The following DAZAP1 variants were observed in gnomAD, a reference collection of about 807,000 sequenced individuals.
DAZAP1 encodes DAZ associated protein 1, also known as DAZ-associated protein 1.
In DAZAP1, 6 loss-of-function variants were observed where a neutral mutation model predicts 60.1. The ratio of observed to expected loss-of-function variants is 0.10; its 90% CI spans 0.05 to 0.20. The LOEUF is 0.20. Ranked by LOEUF, DAZAP1 falls within the 10% of genes least tolerant of loss-of-function variation. The pLI is 1.00. For missense variants in DAZAP1, 366 were observed against 560.4 expected (o/e 0.65, Z 3.50); for synonymous variants, 235 against 215.9 (o/e 1.09, Z -0.78).
In DAZAP1 at chr19:1,425,121, C is replaced by T. The variant is rs1330319708; in HGVS notation, c.464-757C>T. On this transcript the variant is annotated intron_variant, in intron 6 of 11. Coordinates refer to ENST00000233078, the MANE Select transcript of DAZAP1 (RefSeq NM_018959.4). The surrounding 1 kb of genome is among the most constrained non-coding windows in gnomAD (Gnocchi z 5.4). ...GGCAGCAGAGTCTGACCTGCTGGAA[C>T]CCGTTGTGGCCTGTATCTTTGTGCA... Among the ~76,000 whole-genome samples, 1 of 152,216 alleles carries T rather than the reference C, an allele frequency of 6.6e-6. No individual in the cohort carries two copies. The highest frequency in any genetic ancestry group is 2.4e-5 in the African/African-American group (1 of 41,446).
intron 1 of DAZAP1, among the ~76,000 whole-genome samples, chr19:1,408,244 G>A (rs972251932): frequency 1.3e-5 from 2 of 152,146 alleles, no homozygotes; most frequent in Non-Finnish European, 2.9e-5. Context: ...GCCCCGAACG[G>A]GAACTTGGGG....
chr19:1,434,479 G>T lies in DAZAP1; in HGVS notation c.1049-258G>T, dbSNP rs2083543843. 4 of 449,112 alleles carry T rather than the reference G, an allele frequency of 8.9e-6. No homozygotes were observed. The highest frequency in any genetic ancestry group is 2.1e-5 in the African/African-American group (1 of 48,024). 27.8% of individuals were successfully genotyped at this position (449,112 alleles called of 1,614,324 possible). ...GTCTTCGGGATTGAACAGGGAAGCG[G>T]TGAGGTTACGTGGGCCATGGAGGGC... On this transcript the variant is annotated intron_variant, in intron 11 of 11. Transcript: ENST00000233078. This position sits in a 1 kb window ranked among gnomAD's most constrained non-coding sequence, Gnocchi z 8.0.
At chr19:1,413,347 C>T (rs959699315) in intron 1 of DAZAP1, among the ~76,000 whole-genome samples, 1 of 152,236 alleles carries the variant, frequency 6.6e-6, no homozygotes, top group Non-Finnish European at 1.5e-5. Flanking sequence ...CTGCCCAGGG[C>T]TCCGCATGTT....
Position 1,430,270 on chromosome 19 carries a change from C to CCCCCCA in DAZAP1, c.779_780insCCCCCA (p.Pro261_Phe262insGlnPro). ...GGAAGAGGAGCCCCCCCGCCACCCCCACCGTTCACCTCCTACATCGTGTCC... is the reference window on the plus strand; with the variant it reads ...GGAAGAGGAGCCCCCCCGCCACCCCCCCCCCAACCGTTCACCTCCTACATCGTGTCC... On this transcript the variant is annotated inframe_insertion, in exon 10 of 12. Transcript: ENST00000233078. 3 of 1,368,630 alleles carry CCCCCCA rather than the reference C, an allele frequency of 2.2e-6. No individual in the cohort carries two copies. Among genetic ancestry groups the CCCCCCA allele is most frequent in the Non-Finnish European group, 3.1e-6 (3 of 979,186 alleles). 84.8% of individuals were successfully genotyped at this position (1,368,630 alleles called of 1,614,324 possible). A position where few individuals can be genotyped will look rare whatever the true frequency, so the allele number is the denominator to read the frequency against.
intron 1 of DAZAP1, among the ~76,000 whole-genome samples, chr19:1,411,656 C>T (rs757289531): frequency 2.8e-4 from 42 of 152,344 alleles, no homozygotes; most frequent in Non-Finnish European, 5.4e-4. Flanking sequence ...CTAGCAGCAG[C>T]GCGCAGCGTG....
In DAZAP1 at chr19:1,435,094, C is replaced by T. The variant is rs2083565997; in HGVS notation, c.*182C>T. 1 of 432,528 alleles carries T rather than the reference C, an allele frequency of 2.3e-6. No individual in the cohort carries two copies. Among genetic ancestry groups the T allele is most frequent in the Non-Finnish European group, 3.9e-6 (1 of 255,476 alleles). The allele number at this position is 432,528 out of a possible 1,614,324, so 26.8% of individuals were successfully genotyped here. On this transcript the variant is annotated 3_prime_UTR_variant, in exon 12 of 12. Coordinates refer to ENST00000233078, the MANE Select transcript of DAZAP1 (RefSeq NM_018959.4). The stretch of plus-strand genomic sequence containing the variant: ...GACTGAGGTTTTTAAATATTTCTTT[C>T]TCTAACCCATCAGCACAATAAAAAA...
At position 1,425,756 on chromosome 19, in the gene DAZAP1, G is replaced by A. The variant is rs988946661; in HGVS notation, c.464-122G>A. The A allele has an allele frequency of 1.2e-5, 9 of 740,398 alleles. No individual in the cohort carries two copies. The highest frequency in any genetic ancestry group is 3.1e-5 in the South Asian group (2 of 65,008). The allele number at this position is 740,398 out of a possible 1,614,324, so 45.9% of individuals were successfully genotyped here. A position where few individuals can be genotyped will look rare whatever the true frequency, so the allele number is the denominator to read the frequency against. ...GGCAGCTGCCCCAGGGGCCCGCAGC[G>A]CCCCACACACAGCTTAGCTGAAACC... On this transcript the variant is annotated intron_variant, in intron 6 of 11. Transcript: ENST00000233078. The surrounding 1 kb of genome is among the most constrained non-coding windows in gnomAD (Gnocchi z 5.4).
chr19:1,425,778 A>G lies in DAZAP1; in HGVS notation c.464-100A>G, dbSNP rs1339392758. The G allele has an allele frequency of 1.1e-6, 1 of 877,876 alleles. No homozygotes were observed. The highest frequency in any genetic ancestry group is 1.9e-6 in the Non-Finnish European group (1 of 517,694). 54.4% of individuals were successfully genotyped at this position (877,876 alleles called of 1,614,324 possible). A position where few individuals can be genotyped will look rare whatever the true frequency, so the allele number is the denominator to read the frequency against. On this transcript the variant is annotated intron_variant, in intron 6 of 11. Coordinates refer to ENST00000233078, the MANE Select transcript of DAZAP1 (RefSeq NM_018959.4). The surrounding 1 kb of genome is among the most constrained non-coding windows in gnomAD (Gnocchi z 5.4). Reference sequence around the variant, plus strand: ...AGCGCCCCACACACAGCTTAGCTGAAACCCAAGGTCGATCCCTCGGCCCGT... The same window carrying G: ...AGCGCCCCACACACAGCTTAGCTGAGACCCAAGGTCGATCCCTCGGCCCGT...
chr19:1,415,086 G>A (rs555749215), intron 1 of DAZAP1, among the ~76,000 whole-genome samples: 2 of 152,070 alleles, frequency 1.3e-5, no homozygotes, highest in Non-Finnish European at 2.9e-5. Context: ...ACTGATACCA[G>A]GTTATCTAAC....
In DAZAP1 at chr19:1,426,062, G is replaced by A. The variant is rs1355604431; in HGVS notation, c.546+102G>A. 3.4e-6 allele frequency: 3 copies of A among 894,926 alleles called. No individual in the cohort carries two copies. Among genetic ancestry groups the A allele is most frequent in the East Asian group, 2.4e-5 (1 of 40,950 alleles). The allele number at this position is 894,926 out of a possible 1,614,324, so 55.4% of individuals were successfully genotyped here. On this transcript the variant is annotated intron_variant, in intron 7 of 11. Transcript: ENST00000233078. This position sits in a 1 kb window ranked among gnomAD's most constrained non-coding sequence, Gnocchi z 5.4. Reference sequence around the variant, plus strand: ...CATTCCTTCACGGAAAGGGTCGGGCGAGTTCGTCCTGTGAACCTTTGCTGC... The same window carrying A: ...CATTCCTTCACGGAAAGGGTCGGGCAAGTTCGTCCTGTGAACCTTTGCTGC...
chr19:1,428,642 AT>A lies in DAZAP1; in HGVS notation c.547-194del, dbSNP rs777193322. On this transcript the variant is annotated intron_variant, in intron 7 of 11. Coordinates refer to ENST00000233078, the MANE Select transcript of DAZAP1 (RefSeq NM_018959.4). This position sits in a 1 kb window ranked among gnomAD's most constrained non-coding sequence, Gnocchi z 4.0. Reference sequence around the variant, plus strand: ...GTTGCATCTGTTGTACCTGAGAAACATTTTTTAAACAAAAAAATTCAACACA... The same window carrying A: ...GTTGCATCTGTTGTACCTGAGAAACATTTTTAAACAAAAAAATTCAACACA... 19 of 692,432 alleles carry A rather than the reference AT, an allele frequency of 2.7e-5. No homozygotes were observed. Among genetic ancestry groups the A allele is most frequent in the Non-Finnish European group, 3.5e-5 (15 of 430,016 alleles). 42.9% of individuals were successfully genotyped at this position (692,432 alleles called of 1,614,324 possible).
chr19:1,424,977 C>T (rs1192257347), intron 6 of DAZAP1, among the ~76,000 whole-genome samples: 1 of 152,206 alleles, frequency 6.6e-6, no homozygotes, highest in Non-Finnish European at 1.5e-5. Context: ...GGGGCCGCGC[C>T]CACCCCAGAC....
intron 8 of DAZAP1, among the ~76,000 whole-genome samples, chr19:1,429,368 T>A (rs12975794): frequency 6.6e-6 from 1 of 152,366 alleles, no homozygotes; most frequent in East Asian, 1.9e-4. Context: ...CCTGGGGGGC[T>A]TGAGGAGCCG....
chr19:1,421,060 G>C, intron 4 of DAZAP1, 88 bp from the exon 5 acceptor site: 1 of 1,161,346 alleles, frequency 8.6e-7, no homozygotes. Context: ...CTTTAAACCA[G>C]CGCGGATTGG....
chr19:1,407,992 T>A (rs1236218207), intron 1 of DAZAP1, among the ~76,000 whole-genome samples, 190 bp downstream of exon 1: 1 of 146,172 alleles, frequency 6.8e-6, no homozygotes, highest in Non-Finnish European at 1.5e-5. Context: ...TCTGGGGGGG[T>A]CCTGGCGCCC....
chr19:1,426,018 G>C lies in DAZAP1; in HGVS notation c.546+58G>C. The C allele has an allele frequency of 8.4e-7, 1 of 1,196,856 alleles. No individual in the cohort carries two copies. The highest frequency in any genetic ancestry group is 1.5e-5 in the African/African-American group (1 of 66,724). The allele number at this position is 1,196,856 out of a possible 1,614,324, so 74.1% of individuals were successfully genotyped here. ...CCAAACCAAGTCTTAGGCAACTTAG[G>C]GGTTTCACTGGAAAGGAACATTCCT... On this transcript the variant is annotated intron_variant, in intron 7 of 11. Coordinates refer to ENST00000233078, the MANE Select transcript of DAZAP1 (RefSeq NM_018959.4). The surrounding 1 kb of genome is among the most constrained non-coding windows in gnomAD (Gnocchi z 5.4).
chr19:1,427,827 A>C (rs1292213183), intron 7 of DAZAP1: 1 of 152,258 alleles, frequency 6.6e-6, no homozygotes, highest in Non-Finnish European at 1.5e-5. Flanking sequence ...AACAGGCAGA[A>C]CTGAGGGATT....
At position 1,434,059 on chromosome 19, in the gene DAZAP1, A is replaced by G; in HGVS notation, c.1049-678A>G. 5.3e-6 allele frequency: 3 copies of G among 566,010 alleles called. No homozygotes were observed. The highest frequency in any genetic ancestry group is 2.1e-5 in the South Asian group (1 of 47,872). 35.1% of individuals were successfully genotyped at this position (566,010 alleles called of 1,614,324 possible). On this transcript the variant is annotated intron_variant, in intron 11 of 11. Coordinates refer to ENST00000233078, the MANE Select transcript of DAZAP1 (RefSeq NM_018959.4). This position sits in a 1 kb window ranked among gnomAD's most constrained non-coding sequence, Gnocchi z 8.0. ...CGAATGGGAACCCAGAGGTCGTGGG[A>G]GGGGCTTCCTGCAAGGTGTGCAGCG...
At chr19:1,419,885 C>A (rs1352133320) in intron 4 of DAZAP1, among the ~76,000 whole-genome samples, 1 of 145,688 alleles carries the variant, frequency 6.9e-6, no homozygotes, top group African/African-American at 2.6e-5. Flanking sequence ...GAGCACTCAC[C>A]CCACGCACAC....
Sources: gnomAD v4.1 joint callset for allele counts (sites outside exome capture counted in the v4.1 genomes callset) on GRCh38, gnomAD v4.1.1 for gene constraint, Gnocchi (gnomAD v3.1) non-coding constraint, MANE v1.5 for transcripts, NCBI Gene and HGNC (gene_info 2026-07-23, HGNC 2026-07-21) for gene names.